The following CTNND2 variants were observed in gnomAD, a reference collection of about 807,000 sequenced individuals.
The protein encoded by CTNND2 is catenin delta-2.
In CTNND2, 22 loss-of-function variants were observed where a neutral mutation model predicts 144.4. The observed-to-expected ratio is 0.15, with a 90% CI of 0.11 to 0.22. The LOEUF (loss-of-function observed/expected upper bound fraction) is 0.22, where lower values mean the gene tolerates loss of function less well. Ranked by LOEUF, CTNND2 falls within the 10% of genes least tolerant of loss-of-function variation. CTNND2 has a pLI of 1.00. For synonymous variants in CTNND2, 751 were observed against 695.6 expected (o/e 1.08, Z -1.25); for missense variants, 1,353 against 1,618.8 (o/e 0.84, Z 2.82).
intron 9 of CTNND2, among the ~76,000 whole-genome samples, chr5:11,247,782 C>T (rs544162724): frequency 1.3e-5 from 2 of 152,102 alleles, no homozygotes; most frequent in Non-Finnish European, 2.9e-5. Context: ...CTTTAGAAGA[C>T]ATAAATATTC....
chr5:11,491,532 A>G (rs1328819717), intron 3 of CTNND2, among the ~76,000 whole-genome samples: 1 of 152,192 alleles, frequency 6.6e-6, no homozygotes, highest in Non-Finnish European at 1.5e-5. Flanking sequence ...TGGGATTCCA[A>G]CTACTGGCAG....
chr5:11,242,946 AT>A (rs1356557107), intron 9 of CTNND2, among the ~76,000 whole-genome samples: 1 of 152,178 alleles, frequency 6.6e-6, no homozygotes, highest in Non-Finnish European at 1.5e-5. Context: ...AAAATAATAT[AT>A]ATGAAAGTGC....
At chr5:11,526,538 C>CCTT (rs1271884415) in intron 3 of CTNND2, among the ~76,000 whole-genome samples, 1 of 152,138 alleles carries the variant, frequency 6.6e-6, no homozygotes, top group African/African-American at 2.4e-5. Context: ...GCAGCTGGTG[C>CCTT]CTTCGGTAGA....
At chr5:11,695,246 T>A (rs954033421) in intron 2 of CTNND2, among the ~76,000 whole-genome samples, 2 of 152,182 alleles carry the variant, frequency 1.3e-5, no homozygotes, top group African/African-American at 4.8e-5. Flanking sequence ...TTTTGTCATA[T>A]CTTGTCACAT....
intron 3 of CTNND2, among the ~76,000 whole-genome samples, chr5:11,474,695 C>T (rs569215124): frequency 2.0e-5 from 3 of 152,254 alleles, no homozygotes; most frequent in East Asian, 1.9e-4. Flanking sequence ...ATTTATTTTT[C>T]GCTTATGAAA....
chr5:11,592,817 A>G (rs1056161895), intron 2 of CTNND2, among the ~76,000 whole-genome samples: 13 of 151,358 alleles, frequency 8.6e-5, no homozygotes, highest in African/African-American at 2.4e-4. Flanking sequence ...GCAGTCTTAA[A>G]GGAAGAGAAT....
chr5:11,484,999 A>G (rs941933457), intron 3 of CTNND2, among the ~76,000 whole-genome samples: 14 of 152,182 alleles, frequency 9.2e-5, no homozygotes, highest in Admixed American at 6.5e-4. Flanking sequence ...GAAAGTCCAA[A>G]TAATCAATAG....
intron 10 of CTNND2, among the ~76,000 whole-genome samples, chr5:11,207,291 C>T (rs995343497): frequency 1.5e-4 from 23 of 151,006 alleles, no homozygotes; most frequent in Middle Eastern, 3.2e-3. Flanking sequence ...ACGTACATGA[C>T]GGGTTGATGG....
At chr5:11,332,156 T>C in intron 9 of CTNND2, among the ~76,000 whole-genome samples, 1 of 151,332 alleles carries the variant, frequency 6.6e-6, no homozygotes, top group East Asian at 1.9e-4. Flanking sequence ...GTACCTGTAA[T>C]CCCAGCTACT....
intron 15 of CTNND2, among the ~76,000 whole-genome samples, chr5:11,093,207 T>C (rs1750959165): frequency 6.6e-6 from 1 of 152,246 alleles, no homozygotes; most frequent in Admixed American, 6.5e-5. Context: ...ATGTTTGACT[T>C]CATAGCAAGT....
chr5:11,507,709 G>C (rs192794327), intron 3 of CTNND2, among the ~76,000 whole-genome samples: 1 of 152,122 alleles, frequency 6.6e-6, no homozygotes, highest in Non-Finnish European at 1.5e-5. Flanking sequence ...GACAGCACAG[G>C]GTCCTGTCCC....
chr5:11,443,458 G>A (rs1020152993), intron 3 of CTNND2, among the ~76,000 whole-genome samples: 21 of 148,462 alleles, frequency 1.4e-4, no homozygotes, highest in East Asian at 9.9e-4. Context: ...ATGTCTGTGC[G>A]GTGTGTGTGT....
intron 16 of CTNND2, among the ~76,000 whole-genome samples, chr5:11,058,224 G>A (rs550678388): frequency 3.4e-4 from 52 of 152,346 alleles, no homozygotes; most frequent in African/African-American, 1.1e-3. Context: ...TCCAGGGCAT[G>A]TCAGAGGTCT....
chr5:11,752,573 C>T (rs756820790), intron 1 of CTNND2, among the ~76,000 whole-genome samples: 5 of 149,968 alleles, frequency 3.3e-5, no homozygotes, highest in African/African-American at 9.8e-5. Flanking sequence ...CACTAACATG[C>T]TGTTTTCATT....
chr5:11,854,791 C>T (rs1008132723), intron 1 of CTNND2, among the ~76,000 whole-genome samples: 1 of 152,212 alleles, frequency 6.6e-6, no homozygotes, highest in African/African-American at 2.4e-5. Context: ...AGTAGTTCTT[C>T]AACCTTCCTG....
At chr5:11,310,330 G>C (rs1750665017) in intron 9 of CTNND2, among the ~76,000 whole-genome samples, 1 of 151,954 alleles carries the variant, frequency 6.6e-6, no homozygotes, top group African/African-American at 2.4e-5. Flanking sequence ...TGTTGACTGA[G>C]AGAACTGCCA....
At chr5:11,492,505 ATG>A (rs33995105) in intron 3 of CTNND2, among the ~76,000 whole-genome samples, 50,578 of 139,966 alleles carry the variant, frequency 0.36, 8,483 homozygotes, top group South Asian at 0.44. Flanking sequence ...ATATATATAT[ATG>A]TGTGTGTGTG....
intron 3 of CTNND2, among the ~76,000 whole-genome samples, chr5:11,532,084 A>G (rs915925820): frequency 6.6e-6 from 1 of 152,026 alleles, no homozygotes; most frequent in African/African-American, 2.4e-5. Context: ...GCTCACATCT[A>G]TAACTGCCTG....
At chr5:11,420,090 C>T (rs186102050) in intron 3 of CTNND2, among the ~76,000 whole-genome samples, 12 of 152,132 alleles carry the variant, frequency 7.9e-5, no homozygotes, top group East Asian at 7.7e-4. Flanking sequence ...TTTGGGAGGC[C>T]GAGGCGGGCG....
Sources: allele counts gnomAD v4.1 joint callset (sites outside exome capture counted in the v4.1 genomes callset), GRCh38; gene constraint gnomAD v4.1.1; transcripts MANE v1.5; gene names NCBI Gene and HGNC (gene_info 2026-07-23, HGNC 2026-07-21).